VPS39: variants seen among roughly 807,000 people sequenced by gnomAD.
VPS39 encodes the protein VPS39 subunit of HOPS complex, also known as vam6/Vps39-like protein.
In VPS39, 70 loss-of-function variants were observed where a neutral mutation model predicts 121.0. That is an observed-to-expected ratio of 0.58 (90% CI 0.48 to 0.71). The LOEUF is 0.71. VPS39 is among the 30% of genes least tolerant of loss of function. The pLI is 0.00. For missense variants in VPS39, 818 were observed against 1,051.5 expected, an observed-to-expected ratio of 0.78 and a Z score of 3.07; for synonymous variants, 378 against 398.1, an observed-to-expected ratio of 0.95 and a Z score of 0.60.
intron 2 of VPS39, among the ~76,000 whole-genome samples, chr15:42,194,854 C>A (rs1168338283): frequency 6.6e-6 from 1 of 151,272 alleles, no homozygotes; most frequent in Non-Finnish European, 1.5e-5. Context: ...AAGTTAGGTA[C>A]TACTGTTCTG....
At chr15:42,183,264 G>GT (rs752801799) in intron 8 of VPS39, among the ~76,000 whole-genome samples, 9,706 of 140,800 alleles carry the variant, frequency 0.069, 763 homozygotes, top group African/African-American at 0.18. Context: ...CACTCAGCTA[G>GT]TTTTTTTTTT....
Position 42,191,083 on chromosome 15 carries a change from T to G in VPS39, c.247+42A>C, listed in dbSNP as rs762025807. On this transcript the variant is annotated intron_variant, in intron 4 of 24. Coordinates refer to ENST00000318006, the MANE Select transcript of VPS39 (RefSeq NM_015289.5). ...GAAAGGATTAATTAGGTCATATCTT[T>G]TCTTGTTAGACACAGGATACAAATG... 69 of 1,606,594 alleles carry G rather than the reference T, an allele frequency of 4.3e-5. No homozygotes were observed. The South Asian group carries it at 7.0e-4, about 16-fold the overall frequency.
intron 2 of VPS39, among the ~76,000 whole-genome samples, chr15:42,198,616 T>C (rs7181979): frequency 0.16 from 24,088 of 152,156 alleles, 3,490 homozygotes; most frequent in African/African-American, 0.37. Context: ...GCTGGGATTA[T>C]AGGCATGAGC....
At position 42,163,829 on chromosome 15, in the gene VPS39, A is replaced by G. The variant is rs112634725; in HGVS notation, c.2027-101T>C. The stretch of plus-strand genomic sequence containing the variant: ...GTGGACACGAGGCAATATAAAGGGA[A>G]GACAATAGGATTCTTATTGCTTGGG... On this transcript the variant is annotated intron_variant, in intron 19 of 24. Transcript: ENST00000318006. 9.8e-5 allele frequency: 75 copies of G among 762,052 alleles called. No homozygotes were observed. In the African/African-American group the frequency reaches 1.2e-3, roughly 12 times the overall value. The allele number at this position is 762,052 out of a possible 1,614,324, so 47.2% of individuals were successfully genotyped here. A position where few individuals can be genotyped will look rare whatever the true frequency, so the allele number is the denominator to read the frequency against.
intron 8 of VPS39, among the ~76,000 whole-genome samples, chr15:42,179,966 T>C (rs1227797267): frequency 6.6e-6 from 1 of 152,176 alleles, no homozygotes; most frequent in Non-Finnish European, 1.5e-5. Flanking sequence ...TCTTCTGCCA[T>C]GTGAGAATGC....
intron 10 of VPS39, among the ~76,000 whole-genome samples, chr15:42,175,934 C>G (rs1262156605): frequency 6.6e-6 from 1 of 152,160 alleles, no homozygotes; most frequent in African/African-American, 2.4e-5. Context: ...GATGCCTTTT[C>G]CAGCCCACAG....
chr15:42,166,446 A>C, intron 15 of VPS39, 117 bp downstream of exon 15: 1 of 1,259,972 alleles, frequency 7.9e-7, no homozygotes, highest in Non-Finnish European at 1.1e-6. Context: ...GGAGGAATGA[A>C]ATTGAGTGAA....
intron 7 of VPS39, 63 bp downstream of exon 7, chr15:42,187,208 T>C (rs613131): frequency 0.11 from 143,928 of 1,365,870 alleles, 10,319 homozygotes; most frequent in African/African-American, 0.28. Context: ...ACCTGGAGTT[T>C]GGAGCAGATA....
Position 42,159,280 on chromosome 15 carries a change from A to T in VPS39, c.*1474T>A, listed in dbSNP as rs1242483646. 1 of 152,274 alleles carries T rather than the reference A, an allele frequency of 6.6e-6. No homozygotes were observed. The highest frequency in any genetic ancestry group is 1.5e-5 in the Non-Finnish European group (1 of 68,090). The allele number at this position is 152,274 out of a possible 1,614,324, so 9.4% of individuals were successfully genotyped here. ...TACCATCAGCACGTTGATCTGTCAC[A>T]CAGCATGGAGCCATAGTTTACAAAG... On this transcript the variant is annotated 3_prime_UTR_variant, in exon 25 of 25. Coordinates refer to ENST00000318006, the MANE Select transcript of VPS39 (RefSeq NM_015289.5).
chr15:42,202,132 A>G (rs1234483865), intron 1 of VPS39, among the ~76,000 whole-genome samples: 1 of 150,158 alleles, frequency 6.7e-6, no homozygotes, highest in African/African-American at 2.5e-5. Flanking sequence ...TAAGGCACCC[A>G]TGTCAAAAAA....
intron 3 of VPS39, 123 bp from the exon 4 acceptor site, chr15:42,191,290 T>A: frequency 8.0e-7 from 1 of 1,248,280 alleles, no homozygotes; most frequent in Non-Finnish European, 1.1e-6. Context: ...TCTCACTGAT[T>A]TTTCTGGGCA....
chr15:42,182,495 A>G (rs1018641573), intron 8 of VPS39, among the ~76,000 whole-genome samples: 1 of 152,224 alleles, frequency 6.6e-6, no homozygotes, highest in African/African-American at 2.4e-5. Flanking sequence ...ATAAATAATG[A>G]CTGACCAGGA....
chr15:42,175,716 C>G (rs1476774229), intron 10 of VPS39, among the ~76,000 whole-genome samples: 5 of 151,906 alleles, frequency 3.3e-5, no homozygotes, highest in African/African-American at 1.2e-4. Context: ...CAAAGGCTTC[C>G]AAAACCTGGT....
At chr15:42,187,210 G>T in intron 7 of VPS39, 61 bp downstream of exon 7, 1 of 1,387,284 alleles carries the variant, frequency 7.2e-7, no homozygotes, top group South Asian at 1.3e-5. Context: ...CTGGAGTTTG[G>T]AGCAGATAAT....
At chr15:42,168,595 G>A (rs1403285446) in intron 12 of VPS39, among the ~76,000 whole-genome samples, 3 of 150,268 alleles carry the variant, frequency 2.0e-5, no homozygotes, top group African/African-American at 7.4e-5. Flanking sequence ...CCAGGCTGAA[G>A]TGTAGTGGCG....
chr15:42,196,256 C>T (rs1226375508), intron 2 of VPS39, among the ~76,000 whole-genome samples: 2 of 152,100 alleles, frequency 1.3e-5, no homozygotes, highest in Middle Eastern at 3.4e-3. Flanking sequence ...AGGACACAGG[C>T]ATGGGCAAGG....
Position 42,159,315 on chromosome 15 carries a change from A to G in VPS39, c.*1439T>C, listed in dbSNP as rs921979445. The G allele has an allele frequency of 1.3e-5, 2 of 152,320 alleles. No homozygotes were observed. The highest frequency in any genetic ancestry group is 4.8e-5 in the African/African-American group (2 of 41,454). 9.4% of individuals were successfully genotyped at this position (152,320 alleles called of 1,614,324 possible). A position where few individuals can be genotyped will look rare whatever the true frequency, so the allele number is the denominator to read the frequency against. ...GCCATAGTTTACAAAGGACCACGGCAGGTCAAGGACAGGCCACTAAAACTG... is the reference window on the plus strand; with the variant it reads ...GCCATAGTTTACAAAGGACCACGGCGGGTCAAGGACAGGCCACTAAAACTG... On this transcript the variant is annotated 3_prime_UTR_variant, in exon 25 of 25. Coordinates refer to ENST00000318006, the MANE Select transcript of VPS39 (RefSeq NM_015289.5).
At chr15:42,205,181 T>C (rs1204109690) in intron 1 of VPS39, among the ~76,000 whole-genome samples, 3 of 152,150 alleles carry the variant, frequency 2.0e-5, no homozygotes, top group African/African-American at 7.2e-5. Flanking sequence ...ACTGCAGATA[T>C]AGCAATGCAG....
chr15:42,194,946 A>C (rs1031612096), intron 2 of VPS39, among the ~76,000 whole-genome samples: 3 of 152,008 alleles, frequency 2.0e-5, no homozygotes, highest in Non-Finnish European at 4.4e-5. Context: ...GAAAAAAAAA[A>C]AAAACAAAAA....
Sources: allele counts gnomAD v4.1 joint callset (sites outside exome capture counted in the v4.1 genomes callset), GRCh38; gene constraint gnomAD v4.1.1; transcripts MANE v1.5; gene names NCBI Gene and HGNC (gene_info 2026-07-23, HGNC 2026-07-21).